The following CCSER1 variants were observed in gnomAD, a reference collection of about 807,000 sequenced individuals.
The protein encoded by CCSER1 is serine-rich coiled-coil domain-containing protein 1.
In CCSER1, 41 loss-of-function variants were observed where a neutral mutation model predicts 82.0. That is an observed-to-expected ratio of 0.50 (90% CI 0.39 to 0.65). The LOEUF (loss-of-function observed/expected upper bound fraction) is 0.65, where lower values mean the gene tolerates loss of function less well. Ranked by LOEUF, CCSER1 falls within the 30% of genes least tolerant of loss-of-function variation. The pLI is 0.00. For missense variants in CCSER1, 1,119 were observed against 1,064.2 expected (o/e 1.05, Z -0.72); for synonymous variants, 414 against 383.9 (o/e 1.08, Z -0.92).
At chr4:90,499,887 G>A (rs1769596357) in intron 5 of CCSER1, among the ~76,000 whole-genome samples, 1 of 152,088 alleles carries the variant, frequency 6.6e-6, no homozygotes, top group African/African-American at 2.4e-5. Context: ...AAGCAGCTAG[G>A]AATAAGTTTA....
chr4:90,211,330 G>C (rs1245452598), intron 1 of CCSER1, among the ~76,000 whole-genome samples: 1 of 152,108 alleles, frequency 6.6e-6, no homozygotes, highest in Non-Finnish European at 1.5e-5. Flanking sequence ...ATTGTCTCTT[G>C]CTTCAGAGAA....
chr4:91,429,308 G>C (rs746965972), intron 10 of CCSER1, among the ~76,000 whole-genome samples: 1 of 151,742 alleles, frequency 6.6e-6, no homozygotes, highest in African/African-American at 2.4e-5. Context: ...ATTTAAGTAC[G>C]TTCAAATGCA....
At chr4:91,421,826 T>C (rs563657948) in intron 10 of CCSER1, among the ~76,000 whole-genome samples, 1 of 149,028 alleles carries the variant, frequency 6.7e-6, no homozygotes, top group Non-Finnish European at 1.5e-5. Flanking sequence ...AAAACCACAA[T>C]GAGAAAGGAA....
intron 7 of CCSER1, among the ~76,000 whole-genome samples, chr4:90,756,000 G>T (rs1229305192): frequency 6.6e-6 from 1 of 152,164 alleles, no homozygotes; most frequent in Non-Finnish European, 1.5e-5. Flanking sequence ...CCAAGAGGGG[G>T]TGGATCAGTT....
At chr4:90,789,616 A>T (rs1007867557) in intron 7 of CCSER1, among the ~76,000 whole-genome samples, 2 of 152,140 alleles carry the variant, frequency 1.3e-5, no homozygotes, top group East Asian at 1.9e-4. Flanking sequence ...ATGGGGGCAC[A>T]TCTTTTCCTG....
intron 6 of CCSER1, among the ~76,000 whole-genome samples, chr4:90,674,591 TG>T: frequency 6.6e-6 from 1 of 152,058 alleles, no homozygotes; most frequent in Non-Finnish European, 1.5e-5. Context: ...AAATTAAAAT[TG>T]ACCTTTAAAA....
chr4:91,381,188 T>G (rs1750862384), intron 10 of CCSER1, among the ~76,000 whole-genome samples: 1 of 152,208 alleles, frequency 6.6e-6, no homozygotes, highest in Non-Finnish European at 1.5e-5. Context: ...CATTTTTTCC[T>G]TCATTTCAAC....
At position 90,311,399 on chromosome 4, in the gene CCSER1, A is replaced by T. The variant is rs1204354130; in HGVS notation, c.1325-1464A>T. 4.1e-5 allele frequency among the ~76,000 whole-genome samples: 6 copies of T among 147,894 alleles called. No individual in the cohort carries two copies. In the East Asian group the frequency reaches 1.1e-3, roughly 27 times the overall value. On this transcript the variant is annotated intron_variant, in intron 2 of 10. Coordinates refer to ENST00000509176, the MANE Select transcript of CCSER1 (RefSeq NM_001145065.2). The stretch of plus-strand genomic sequence containing the variant: ...TGATTGGGATCCTATTTGTAACACA[A>T]TAACACATTAATTTTGCTGATTTGA...
At chr4:91,496,583 TATACACGAATATATATTTGA>T (rs1319263403) in intron 10 of CCSER1, among the ~76,000 whole-genome samples, 425 of 41,584 alleles carry the variant, frequency 0.01, 19 homozygotes, top group Non-Finnish European at 0.016. Context: ...TATATATATA[TATACACGAATATATATTTGA>T]ATATATATAT....
chr4:90,734,259 G>C (rs2149415883), intron 7 of CCSER1, among the ~76,000 whole-genome samples: 1 of 152,022 alleles, frequency 6.6e-6, no homozygotes, highest in African/African-American at 2.4e-5. Context: ...TCAAGTAGCT[G>C]GGACTACAGG....
At chr4:90,172,742 A>G (rs1560739944) in intron 1 of CCSER1, among the ~76,000 whole-genome samples, 1 of 151,830 alleles carries the variant, frequency 6.6e-6, no homozygotes. Context: ...ATGAGACAAT[A>G]TTGCATGCAA....
chr4:91,447,030 G>A (rs1755609511), intron 10 of CCSER1, among the ~76,000 whole-genome samples: 1 of 151,998 alleles, frequency 6.6e-6, no homozygotes, highest in South Asian at 2.1e-4. Context: ...TTTAGCACAG[G>A]GACATGGGGT....
chr4:91,572,608 C>T (rs1391527567), intron 10 of CCSER1, among the ~76,000 whole-genome samples: 3 of 152,134 alleles, frequency 2.0e-5, no homozygotes, highest in South Asian at 4.2e-4. Context: ...GCAGGTATAG[C>T]CAGAGGCCCC....
At chr4:90,706,523 G>A (rs931641663) in intron 6 of CCSER1, among the ~76,000 whole-genome samples, 2 of 152,158 alleles carry the variant, frequency 1.3e-5, no homozygotes, top group Non-Finnish European at 2.9e-5. Flanking sequence ...CTTAATAGCA[G>A]AGATTTTTGC....
chr4:90,540,851 A>G (rs916916974), intron 5 of CCSER1, among the ~76,000 whole-genome samples: 2 of 152,148 alleles, frequency 1.3e-5, no homozygotes, highest in Non-Finnish European at 2.9e-5. Context: ...ATCACATGAC[A>G]TGATGCATAG....
Position 90,504,969 on chromosome 4 carries a change from T to C in CCSER1, c.1724+36615T>C, listed in dbSNP as rs1023847692. 4.6e-5 allele frequency among the ~76,000 whole-genome samples: 7 copies of C among 152,174 alleles called. 2 individuals carry two copies. Among genetic ancestry groups the C allele is most frequent in the South Asian group, 4.1e-4 (2 of 4,820 alleles). On this transcript the variant is annotated intron_variant, in intron 5 of 10. Coordinates refer to ENST00000509176, the MANE Select transcript of CCSER1 (RefSeq NM_001145065.2). ...TGAAACATCTTTGGGTTGCCAATAG[T>C]GAACCCCAAAGACACTAGGCCTAAA...
intron 10 of CCSER1, among the ~76,000 whole-genome samples, chr4:91,205,215 TAAATC>T (rs1257678368): frequency 3.3e-5 from 5 of 151,824 alleles, no homozygotes; most frequent in Non-Finnish European, 7.4e-5. Flanking sequence ...TCTTCAATAT[TAAATC>T]AATATCAAAT....
At chr4:90,654,449 T>G (rs1241840073) in intron 6 of CCSER1, among the ~76,000 whole-genome samples, 2 of 152,152 alleles carry the variant, frequency 1.3e-5, no homozygotes, top group Non-Finnish European at 2.9e-5. Context: ...GTTTTAATTT[T>G]TTCTTATATA....
intron 8 of CCSER1, among the ~76,000 whole-genome samples, chr4:90,861,835 T>G (rs528457220): frequency 6.6e-6 from 1 of 150,754 alleles, no homozygotes; most frequent in African/African-American, 2.4e-5. Context: ...AGATTAAATG[T>G]AATATTTCAT....
Sources: allele counts gnomAD v4.1 joint callset (sites outside exome capture counted in the v4.1 genomes callset), GRCh38; gene constraint gnomAD v4.1.1; transcripts MANE v1.5; gene names NCBI Gene and HGNC (gene_info 2026-07-23, HGNC 2026-07-21).